Variants in GRID2 observed in about 807,000 individuals in gnomAD.
GRID2 encodes glutamate receptor ionotropic, delta-2.
GRID2 carries 33 observed loss-of-function variants against 114.8 expected under a neutral mutation model. The observed-to-expected ratio is 0.29, with a 90% confidence interval of 0.22 to 0.38. GRID2 has a LOEUF of 0.38. Ranked by LOEUF, GRID2 falls within the 10% of genes least tolerant of loss-of-function variation. The probability of loss-of-function intolerance (pLI) is 1.00; values close to 1 mark genes in which losing one functional copy is unlikely to be tolerated. For missense variants in GRID2, 1,184 were observed against 1,257.7 expected (o/e 0.94, Z 0.89); for synonymous variants, 505 against 449.9 (o/e 1.12, Z -1.55).
At chr4:92,397,338 T>C (rs926086698) in intron 1 of GRID2, among the ~76,000 whole-genome samples, 1 of 124,188 alleles carries the variant, frequency 8.1e-6, no homozygotes, top group African/African-American at 3.4e-5. Flanking sequence ...CTCTGTGTGT[T>C]TGTATGTGTG....
intron 2 of GRID2, among the ~76,000 whole-genome samples, chr4:92,740,155 G>A (rs931062848): frequency 4.6e-5 from 7 of 152,118 alleles, no homozygotes; most frequent in Admixed American, 6.5e-5. Context: ...CCCATTTAAA[G>A]GCAAAGGAGA....
intron 1 of GRID2, among the ~76,000 whole-genome samples, chr4:92,511,863 G>T (rs1724266974): frequency 6.6e-6 from 1 of 151,780 alleles, no homozygotes; most frequent in African/African-American, 2.4e-5. Context: ...ATGTGTGGTA[G>T]AGTGACATTA....
intron 11 of GRID2, among the ~76,000 whole-genome samples, chr4:93,489,441 G>A (rs1726755501): frequency 6.6e-6 from 1 of 151,898 alleles, no homozygotes; most frequent in South Asian, 2.1e-4. Flanking sequence ...CCTTGGTAGA[G>A]ATTTTTATTT....
At chr4:93,797,481 T>C (rs1053406931) in intron 1 of GRID2, among the ~76,000 whole-genome samples, 1 of 152,160 alleles carries the variant, frequency 6.6e-6, no homozygotes, top group African/African-American at 2.4e-5. Flanking sequence ...CTTGGAAAGA[T>C]ACAGAGGAAG....
At chr4:93,616,435 T>C (rs1156567172) in intron 13 of GRID2, among the ~76,000 whole-genome samples, 1 of 151,234 alleles carries the variant, frequency 6.6e-6, no homozygotes, top group Non-Finnish European at 1.5e-5. Context: ...TAGTCCCAGC[T>C]ACTCAGGAGG....
chr4:92,699,817 T>G (rs985503382), intron 2 of GRID2, among the ~76,000 whole-genome samples: 5 of 152,206 alleles, frequency 3.3e-5, no homozygotes, highest in Non-Finnish European at 7.3e-5. Context: ...CCATATTATC[T>G]TCTCAGATTT....
At chr4:93,518,002 TATGTATGTATATACATACATGTAC>T (rs1560706432) in intron 13 of GRID2, among the ~76,000 whole-genome samples, 5 of 48,958 alleles carry the variant, frequency 1.0e-4, no homozygotes, top group Non-Finnish European at 2.3e-4. Context: ...CATACATGTA[TATGTATGTATATACATACATGTAC>T]ATGTATGTAT....
At chr4:92,593,084 G>T (rs1019946248) in intron 2 of GRID2, among the ~76,000 whole-genome samples, 2 of 151,858 alleles carry the variant, frequency 1.3e-5, no homozygotes, top group African/African-American at 4.8e-5. Context: ...AAGATTCAAT[G>T]ATACAATTAT....
intron 2 of GRID2, among the ~76,000 whole-genome samples, chr4:92,640,223 T>C (rs2149252727): frequency 6.6e-6 from 1 of 151,876 alleles, no homozygotes; most frequent in East Asian, 1.9e-4. Context: ...GAGAGATACA[T>C]GAAAGAAAAG....
intron 8 of GRID2, among the ~76,000 whole-genome samples, chr4:93,251,127 T>C (rs972628348): frequency 3.9e-5 from 6 of 152,198 alleles, no homozygotes; most frequent in African/African-American, 9.6e-5. Context: ...TATTTCTAGC[T>C]ATGGAAAATG....
intron 1 of GRID2, among the ~76,000 whole-genome samples, chr4:93,801,656 T>C (rs1221212953): frequency 6.6e-6 from 1 of 152,196 alleles, no homozygotes; most frequent in African/African-American, 2.4e-5. Context: ...TCTTTCAACT[T>C]CATAAAAAAG....
At chr4:93,163,686 A>C (rs2149411754) in intron 4 of GRID2, among the ~76,000 whole-genome samples, 1 of 151,770 alleles carries the variant, frequency 6.6e-6, no homozygotes, top group East Asian at 1.9e-4. Flanking sequence ...ATATTTAGCC[A>C]AAAAAAGAAG....
intron 2 of GRID2, among the ~76,000 whole-genome samples, chr4:92,646,556 C>G (rs369965016): frequency 1.1e-4 from 16 of 152,048 alleles, no homozygotes; most frequent in African/African-American, 3.4e-4. Flanking sequence ...GCTTTTATAG[C>G]CTTAGCTTTT....
intron 3 of GRID2, among the ~76,000 whole-genome samples, chr4:93,101,219 A>C (rs186087624): frequency 6.6e-6 from 1 of 152,108 alleles, no homozygotes; most frequent in African/African-American, 2.4e-5. Context: ...ATGTAATCAA[A>C]TCAGGGTAGT....
intron 8 of GRID2, among the ~76,000 whole-genome samples, chr4:93,256,414 A>AT: frequency 1.2e-5 from 1 of 86,616 alleles, no homozygotes; most frequent in African/African-American, 5.0e-5. Flanking sequence ...CGAAAGTGTG[A>AT]TTTTTAATTT....
chr4:92,644,373 T>G (rs1021005643), intron 2 of GRID2, among the ~76,000 whole-genome samples: 2 of 151,802 alleles, frequency 1.3e-5, no homozygotes, highest in African/African-American at 4.8e-5. Flanking sequence ...CTCACTAAAA[T>G]AAACAAGATG....
At chr4:93,526,861 A>T (rs1730957379) in intron 13 of GRID2, among the ~76,000 whole-genome samples, 1 of 152,178 alleles carries the variant, frequency 6.6e-6, no homozygotes, top group African/African-American at 2.4e-5. Context: ...ATCTGCAAAA[A>T]TCACACATAC....
intron 4 of GRID2, among the ~76,000 whole-genome samples, chr4:93,167,004 A>T (rs1295056793): frequency 6.6e-6 from 1 of 152,112 alleles, no homozygotes; most frequent in East Asian, 1.9e-4. Flanking sequence ...ACTTACCACT[A>T]CAGTTAATGG....
intron 1 of GRID2, among the ~76,000 whole-genome samples, chr4:92,345,368 C>T (rs1318832463): frequency 6.6e-6 from 1 of 152,210 alleles, no homozygotes; most frequent in Non-Finnish European, 1.5e-5. Context: ...TCGATGGGCA[C>T]TTAGATTAGT....
Sources: gnomAD v4.1 joint callset for allele counts (sites outside exome capture counted in the v4.1 genomes callset) on GRCh38, gnomAD v4.1.1 for gene constraint, MANE v1.5 for transcripts, NCBI Gene and HGNC (gene_info 2026-07-23, HGNC 2026-07-21) for gene names.